TFPI: variants seen among roughly 807,000 people sequenced by gnomAD.
TFPI encodes tissue factor pathway inhibitor.
A neutral mutation model predicts 34.6 loss-of-function variants in TFPI; 15 were observed. The observed-to-expected ratio is 0.43, with a 90% confidence interval of 0.29 to 0.67. TFPI has a LOEUF of 0.67. Among genes scored for constraint, TFPI ranks in the 30% least tolerant of loss-of-function variants. The pLI, the probability that TFPI is intolerant of heterozygous loss-of-function variation, is 0.15. For synonymous variants in TFPI, 105 were observed against 120.1 expected (o/e 0.87, Z 0.82); for missense variants, 301 against 364.0 (o/e 0.83, Z 1.41).
chr2:187,496,092 G>A (rs983448086), intron 3 of TFPI, among the ~76,000 whole-genome samples: 37 of 152,016 alleles, frequency 2.4e-4, no homozygotes, highest in African/African-American at 7.2e-4. Context: ...ATAATATGAC[G>A]TACTTTTGAA....
chr2:187,481,743 G>A (rs1211599855), intron 6 of TFPI, among the ~76,000 whole-genome samples: 1 of 151,706 alleles, frequency 6.6e-6, no homozygotes, highest in South Asian at 2.1e-4. Flanking sequence ...TTGATTTTGA[G>A]GCCAATATAT....
At chr2:187,469,161 G>C (rs894472962) in intron 6 of TFPI, among the ~76,000 whole-genome samples, 6 of 152,002 alleles carry the variant, frequency 3.9e-5, no homozygotes, top group Non-Finnish European at 5.9e-5. Flanking sequence ...ATAAGGACTA[G>C]AGTGTCTTGA....
At chr2:187,497,875 A>G (rs1282945933) in intron 2 of TFPI, among the ~76,000 whole-genome samples, 1 of 151,954 alleles carries the variant, frequency 6.6e-6, no homozygotes, top group Admixed American at 6.6e-5. Flanking sequence ...TTTGTTTACC[A>G]GTAAAGATAG....
In TFPI at chr2:187,467,821, T is replaced by C; in HGVS notation, c.740A>G (p.Tyr247Cys). The C allele has an allele frequency of 6.2e-7, 1 of 1,612,896 alleles. No individual in the cohort carries two copies. Among genetic ancestry groups the C allele is most frequent in the Non-Finnish European group, 8.5e-7 (1 of 1,179,414 alleles). Reference protein sequence around the residue: ...SVIGKCRPFKYSGCGGNENNF... With the variant: ...SVIGKCRPFKCSGCGGNENNF... ...GTTTTCATTTCCCCCACATCCACTG[T>C]ACTTAAATGGGCGGCATTTCCCAAT... The change falls in exon 7 of 8, where the codon TAC becomes TGC. Residue 247 changes from tyrosine to cysteine, a missense_variant. Coordinates refer to ENST00000233156, the MANE Select transcript of TFPI (RefSeq NM_006287.6).
intron 3 of TFPI, among the ~76,000 whole-genome samples, chr2:187,493,349 T>C (rs8176473): frequency 0.035 from 5,398 of 152,198 alleles, 286 homozygotes; most frequent in African/African-American, 0.11. Flanking sequence ...GTCCCTAGAC[T>C]GCACACAGCA....
intron 2 of TFPI, among the ~76,000 whole-genome samples, chr2:187,503,169 CTG>C (rs1685964990): frequency 6.6e-6 from 1 of 151,660 alleles, no homozygotes; most frequent in East Asian, 1.9e-4. Flanking sequence ...CTTTGGTGTC[CTG>C]GTTGACTAGA....
chr2:187,521,655 A>T (rs979361700), intron 1 of TFPI, among the ~76,000 whole-genome samples: 2 of 151,672 alleles, frequency 1.3e-5, no homozygotes, highest in Non-Finnish European at 2.9e-5. Context: ...TGCAACCTCC[A>T]CCTCCCGGGT....
At chr2:187,520,345 G>C (rs918536797) in intron 1 of TFPI, among the ~76,000 whole-genome samples, 1 of 152,122 alleles carries the variant, frequency 6.6e-6, no homozygotes, top group Non-Finnish European at 1.5e-5. Flanking sequence ...ATCTAGGCTA[G>C]AGTGCACCAT....
At chr2:187,503,319 T>C (rs954653227) in intron 2 of TFPI, among the ~76,000 whole-genome samples, 11 of 152,074 alleles carry the variant, frequency 7.2e-5, no homozygotes, top group African/African-American at 2.4e-4. Flanking sequence ...TCAAATGTCA[T>C]AGGGAGTTGT....
intron 6 of TFPI, 124 bp downstream of exon 6, chr2:187,484,000 C>T (rs1318625273): frequency 2.6e-6 from 2 of 761,046 alleles, no homozygotes; most frequent in African/African-American, 1.8e-5. Context: ...TTTCAACAAA[C>T]ACATTATTAA....
chr2:187,547,646 A>C (rs1688939089), intron 1 of TFPI: 1 of 152,140 alleles, frequency 6.6e-6, no homozygotes, highest in African/African-American at 2.4e-5. Context: ...ATCTTCAGTC[A>C]CTTCCATCCA....
chr2:187,513,914 GC>G (rs1442581195), intron 1 of TFPI: 1 of 152,154 alleles, frequency 6.6e-6, no homozygotes, highest in Admixed American at 6.5e-5. Flanking sequence ...GTCAAAGACA[GC>G]CCTCTACTTC....
intron 1 of TFPI, chr2:187,515,232 G>C (rs1045239859): frequency 2.0e-5 from 3 of 152,148 alleles, no homozygotes; most frequent in Admixed American, 6.5e-5. Flanking sequence ...TAAAGATAAA[G>C]GCCCCCCATA....
intron 1 of TFPI, among the ~76,000 whole-genome samples, chr2:187,510,087 A>T (rs962702569): frequency 2.0e-5 from 3 of 152,110 alleles, no homozygotes; most frequent in South Asian, 2.1e-4. Flanking sequence ...GTACAGTCCA[A>T]CTCCAGCTAA....
At chr2:187,531,165 ACT>A (rs985765435) in intron 1 of TFPI, among the ~76,000 whole-genome samples, 6 of 152,162 alleles carry the variant, frequency 3.9e-5, no homozygotes, top group African/African-American at 1.2e-4. Flanking sequence ...CAGGCTAACT[ACT>A]GTCTGTAGAA....
chr2:187,476,448 T>TCCCAC lies in TFPI; in HGVS notation c.628+7671_628+7675dup, dbSNP rs138644957. On this transcript the variant is annotated intron_variant, in intron 6 of 7. Transcript: ENST00000233156. The stretch of plus-strand genomic sequence containing the variant: ...TCAACCTCCCTGGCTCAAGCAATCC[T>TCCCAC]CCCACCTCAGCCTCCAGAATAAGTG... Among the ~76,000 whole-genome samples, 385 of 152,204 alleles carry TCCCAC rather than the reference T, an allele frequency of 2.5e-3. 2 individuals carry two copies. The highest frequency in any genetic ancestry group is 8.7e-3 in the African/African-American group (361 of 41,530).
At chr2:187,474,935 G>A (rs913385407) in intron 6 of TFPI, among the ~76,000 whole-genome samples, 8 of 152,124 alleles carry the variant, frequency 5.3e-5, no homozygotes, top group Non-Finnish European at 8.8e-5. Flanking sequence ...TGAAGATAGA[G>A]CTCAAGTTTT....
rs183779704 is a variant in TFPI at position 187,478,391 on chromosome 2, A to G, written c.628+5733T>C. ...CAGCAACAACAAAAAACAAAACAGA[A>G]CAAAACAAAAACAAATAGTTGATGT... On this transcript the variant is annotated intron_variant, in intron 6 of 7. Transcript: ENST00000233156. Among the ~76,000 whole-genome samples, 3 of 152,234 alleles carry G rather than the reference A, an allele frequency of 2.0e-5. No individual in the cohort carries two copies. In the East Asian group the frequency reaches 5.8e-4, roughly 29 times the overall value.
At chr2:187,483,261 T>TA (rs1341110787) in intron 6 of TFPI, among the ~76,000 whole-genome samples, 5 of 151,928 alleles carry the variant, frequency 3.3e-5, no homozygotes, top group Admixed American at 6.6e-5. Context: ...TTCTTTTTTT[T>TA]TTATTATTAT....
Sources: gnomAD v4.1 joint callset for allele counts (sites outside exome capture counted in the v4.1 genomes callset) on GRCh38, gnomAD v4.1.1 for gene constraint, MANE v1.5 for transcripts, NCBI Gene and HGNC (gene_info 2026-07-23, HGNC 2026-07-21) for gene names.